COL21A1: variants seen among roughly 807,000 people sequenced by gnomAD.
The protein encoded by COL21A1 is collagen type XXI alpha 1 chain.
A neutral mutation model predicts 137.9 loss-of-function variants in COL21A1; 149 were observed. That is an observed-to-expected ratio of 1.08 (90% CI 0.95 to 1.24). COL21A1 has a LOEUF of 1.24. COL21A1 is among the 50% of genes most tolerant of loss of function. COL21A1 has a pLI of 0.00. For synonymous variants in COL21A1, 456 were observed against 391.5 expected (o/e 1.16, Z -1.95); for missense variants, 1,167 against 1,158.4 (o/e 1.01, Z -0.11).
chr6:56,077,863 AATG>A (rs1767384454), intron 17 of COL21A1: 10 of 380,900 alleles, frequency 2.6e-5, no homozygotes, highest in South Asian at 2.4e-4. Flanking sequence ...ATAAAATTAA[AATG>A]ATGTTTCATT....
chr6:56,330,397 A>C (rs1224683760), intron 1 of COL21A1, among the ~76,000 whole-genome samples: 1 of 152,114 alleles, frequency 6.6e-6, no homozygotes, highest in East Asian at 1.9e-4. Flanking sequence ...TCATCAATAA[A>C]AATATTCAGA....
chr6:56,107,662 T>C (rs1161516888), intron 16 of COL21A1, among the ~76,000 whole-genome samples: 1 of 151,372 alleles, frequency 6.6e-6, no homozygotes, highest in African/African-American at 2.4e-5. Flanking sequence ...TGAAAAGTGG[T>C]GAGACAAGGG....
At chr6:56,235,868 A>G (rs1275424331) in intron 1 of COL21A1, among the ~76,000 whole-genome samples, 2 of 152,016 alleles carry the variant, frequency 1.3e-5, no homozygotes, top group Admixed American at 6.6e-5. Flanking sequence ...CCACTGCAAC[A>G]AGGCAAAATT....
chr6:56,384,645 G>T (rs2094014437), intron 1 of COL21A1, among the ~76,000 whole-genome samples: 1 of 152,174 alleles, frequency 6.6e-6, no homozygotes, highest in Non-Finnish European at 1.5e-5. Flanking sequence ...ACAAACAACA[G>T]ATTCTGTGTA....
chr6:56,376,765 C>G (rs747538482), intron 1 of COL21A1, among the ~76,000 whole-genome samples: 1 of 151,696 alleles, frequency 6.6e-6, no homozygotes, highest in Non-Finnish European at 1.5e-5. Flanking sequence ...TGAATAGTTA[C>G]AGAAAATAAA....
Position 56,150,513 on chromosome 6 carries a change from A to ATCTC in COL21A1, c.1434+6373_1434+6374insGAGA, listed in dbSNP as rs200658532. Among the ~76,000 whole-genome samples, 376 of 102,254 alleles carry ATCTC rather than the reference A, an allele frequency of 3.7e-3. 5 individuals are homozygous for ATCTC. The highest frequency in any genetic ancestry group is 0.014 in the African/African-American group (352 of 25,830). 67.1% of individuals were successfully genotyped at this position (102,254 alleles called of 152,430 possible). On this transcript the variant is annotated intron_variant, in intron 10 of 29. Coordinates refer to ENST00000244728, the MANE Select transcript of COL21A1 (RefSeq NM_030820.4). ...AGCCTGGGCGACAGAGCGAGACTCC[A>ATCTC]TCACACACACACACACACACACACA...
intron 1 of COL21A1, among the ~76,000 whole-genome samples, chr6:56,289,829 G>A (rs1370712662): frequency 6.6e-6 from 1 of 152,036 alleles, no homozygotes; most frequent in Non-Finnish European, 1.5e-5. Flanking sequence ...GTTAAGGGGA[G>A]TCTATTATGT....
At chr6:56,130,579 C>A (rs1282729505) in intron 12 of COL21A1, among the ~76,000 whole-genome samples, 1 of 151,972 alleles carries the variant, frequency 6.6e-6, no homozygotes, top group Non-Finnish European at 1.5e-5. Flanking sequence ...ACATAATATC[C>A]AAACTTTCTT....
chr6:56,321,993 T>A (rs1582779073), intron 1 of COL21A1, among the ~76,000 whole-genome samples: 1 of 152,240 alleles, frequency 6.6e-6, no homozygotes, highest in East Asian at 1.9e-4. Flanking sequence ...TAAATCAGCA[T>A]GCAATGAAAA....
At chr6:56,388,389 A>G (rs1442545120) in intron 1 of COL21A1, among the ~76,000 whole-genome samples, 2 of 152,218 alleles carry the variant, frequency 1.3e-5, no homozygotes, top group African/African-American at 4.8e-5. Flanking sequence ...AATTCCAGGC[A>G]GCCCAGCATG....
At chr6:56,108,446 A>C (rs962398018) in intron 16 of COL21A1, among the ~76,000 whole-genome samples, 4 of 152,022 alleles carry the variant, frequency 2.6e-5, no homozygotes, top group Non-Finnish European at 5.9e-5. Flanking sequence ...AAATAAAAAG[A>C]AAACGTGTAA....
Position 56,299,157 on chromosome 6 carries a change from A to G in COL21A1, c.-39+94814T>C, listed in dbSNP as rs1001741946. ...GCAATACATTTAATCCAGAGACATC[A>G]GGGTTCAAACACGGAGCTAAATTAG... On this transcript the variant is annotated intron_variant, in intron 1 of 28. Coordinates refer to the COL21A1 transcript ENST00000370819. Among the ~76,000 whole-genome samples the G allele has an allele frequency of 2.0e-5, 3 of 152,164 alleles. 1 individual carries two copies. The highest frequency in any genetic ancestry group is 2.0e-4 in the Admixed American group (3 of 15,256).
At chr6:56,273,644 G>A (rs1763577142) in intron 1 of COL21A1, among the ~76,000 whole-genome samples, 1 of 152,104 alleles carries the variant, frequency 6.6e-6, no homozygotes, top group South Asian at 2.1e-4. Flanking sequence ...TAAATTCCCA[G>A]AAGAATACAA....
chr6:56,169,519 A>G (rs1408178442), intron 5 of COL21A1, among the ~76,000 whole-genome samples: 1 of 151,864 alleles, frequency 6.6e-6, no homozygotes, highest in African/African-American at 2.4e-5. Flanking sequence ...GCTTACACCT[A>G]GATAGCTTTT....
intron 16 of COL21A1, among the ~76,000 whole-genome samples, chr6:56,117,376 T>C (rs760925243): frequency 3.4e-4 from 52 of 152,000 alleles, no homozygotes; most frequent in South Asian, 1.0e-3. Flanking sequence ...AAGGGGTTAA[T>C]TCAGCAGAGG....
intron 22 of COL21A1, 64 bp downstream of exon 22, chr6:56,068,982 A>C (rs963167436): frequency 1.1e-5 from 12 of 1,109,404 alleles, no homozygotes; most frequent in Non-Finnish European, 1.6e-5. Flanking sequence ...AGAATTTCAC[A>C]AAAGAAAAAC....
intron 1 of COL21A1, among the ~76,000 whole-genome samples, chr6:56,308,552 T>G (rs1385129892): frequency 5.9e-5 from 9 of 152,206 alleles, no homozygotes; most frequent in Non-Finnish European, 1.3e-4. Context: ...CAGAGTGGAA[T>G]AGTGGTTTCC....
chr6:56,201,234 T>G (rs1320146971), intron 1 of COL21A1, among the ~76,000 whole-genome samples: 1 of 152,152 alleles, frequency 6.6e-6, no homozygotes, highest in Non-Finnish European at 1.5e-5. Context: ...GCTGCAAAAA[T>G]TTTCTCCCAT....
intron 17 of COL21A1, chr6:56,078,040 A>G: frequency 2.2e-6 from 1 of 455,204 alleles, no homozygotes; most frequent in South Asian, 1.6e-5. Context: ...ATACCCAAGA[A>G]CCTAAATATT....
Sources: allele counts gnomAD v4.1 joint callset (sites outside exome capture counted in the v4.1 genomes callset), GRCh38; gene constraint gnomAD v4.1.1; transcripts MANE v1.5; gene names NCBI Gene and HGNC (gene_info 2026-07-23, HGNC 2026-07-21).